Variants in CMYA5 observed in about 807,000 individuals in gnomAD.
CMYA5 encodes the protein cardiomyopathy-associated protein 5.
CMYA5 carries 246 observed loss-of-function variants against 318.9 expected under a neutral mutation model. The ratio of observed to expected loss-of-function variants is 0.77; its 90% CI spans 0.70 to 0.86. The LOEUF is 0.86. Among genes scored for constraint, CMYA5 ranks in the 40% least tolerant of loss-of-function variants. CMYA5 has a pLI of 0.00. For synonymous variants in CMYA5, 1,641 were observed against 1,729.5 expected (o/e 0.95, Z 1.27); for missense variants, 4,589 against 4,678.2 (o/e 0.98, Z 0.56).
At position 79,731,143 on chromosome 5, in the gene CMYA5, C is replaced by G. The variant is rs1244790577; in HGVS notation, c.2378C>G (p.Pro793Arg). ...GEDLGSERFT[P>R]DSKLISKYAA... ...GACCTAGGAAGTGAACGTTTCACAC[C>G]GGATTCAAAGTTGATCTCCAAATAT... The change falls in exon 2 of 13, where the codon CCG (proline) becomes CGG (arginine). Residue 793 changes from proline (P) to arginine (R), a missense_variant. Physicochemically the swap from Pro to Arg is moderately radical, Grantham distance 103. Transcript: ENST00000446378. The G allele has an allele frequency of 6.2e-7, 1 of 1,613,966 alleles. No individual in the cohort carries two copies. Among genetic ancestry groups the G allele is most frequent in the East Asian group, 2.2e-5 (1 of 44,872 alleles).
chr5:79,745,669 TACAGCTGAAAGAG>T (rs1332856334), intron 4 of CMYA5, among the ~76,000 whole-genome samples: 1 of 152,200 alleles, frequency 6.6e-6, no homozygotes, highest in Non-Finnish European at 1.5e-5. Flanking sequence ...AGCTGAAAGA[TACAGCTGAAAGAG>T]ACAGCCTGCA....
intron 11 of CMYA5, among the ~76,000 whole-genome samples, chr5:79,792,476 T>C (rs568684845): frequency 6.6e-6 from 1 of 152,344 alleles, no homozygotes; most frequent in East Asian, 1.9e-4. Flanking sequence ...ATTTTATTTA[T>C]TATTAACCTG....
rs542591132 is a variant in CMYA5, at chr5:79,731,105, A to G, written c.2340A>G (p.Pro780=). The part of the protein sequence containing the change: ...PSTATSEHVV[P]SEGEDLGSER... ...CTGCCACATCAGAACACGTGGTCCC[A>G]TCAGAAGGAGAGGACCTAGGAAGTG... is the stretch of plus-strand genomic sequence containing the variant. The change falls in exon 2 of 13, where the codon CCA becomes CCG. Residue 780 remains proline (P), a synonymous_variant. Transcript: ENST00000446378. The G allele has an allele frequency of 2.1e-4, 332 of 1,614,066 alleles. No individual in the cohort carries two copies. Among genetic ancestry groups the G allele is most frequent in the Non-Finnish European group, 2.7e-4 (318 of 1,179,908 alleles).
chr5:79,742,743 T>C (rs1202887967), intron 2 of CMYA5, among the ~76,000 whole-genome samples: 3 of 143,956 alleles, frequency 2.1e-5, no homozygotes, highest in Non-Finnish European at 4.6e-5. Context: ...TCAGGAACTG[T>C]GCCAATCATT....
chr5:79,798,794 C>T (rs562798096), intron 12 of CMYA5, among the ~76,000 whole-genome samples: 1 of 152,172 alleles, frequency 6.6e-6, no homozygotes, highest in African/African-American at 2.4e-5. Flanking sequence ...AAGGCAACCC[C>T]GCTGGTGGCA....
At chr5:79,776,947 G>C (rs1423019007) in intron 9 of CMYA5, among the ~76,000 whole-genome samples, 1 of 152,152 alleles carries the variant, frequency 6.6e-6, no homozygotes, top group Non-Finnish European at 1.5e-5. Context: ...GTTGGACATG[G>C]TGGTACAGAG....
chr5:79,765,463 G>C (rs1219498300), intron 9 of CMYA5, among the ~76,000 whole-genome samples: 1 of 152,164 alleles, frequency 6.6e-6, no homozygotes, highest in Non-Finnish European at 1.5e-5. Flanking sequence ...GATTGTCTTG[G>C]CTATGCAGGC....
In CMYA5 at chr5:79,734,655, GC is replaced by G. The variant is rs1369933502; in HGVS notation, c.5891del (p.Ala1964ValfsTer22). ...SHLSSQEAVS[A>X]LDTSSGNTET... ...TTTGTCATCACAAGAAGCAGTATCT[GC>G]TCTTGATACTTCCAGTGGTAATACA... On this transcript the variant is annotated frameshift_variant, in exon 2 of 13. Transcript: ENST00000446378. LOFTEE classifies it high-confidence loss of function. 1 of 1,613,366 alleles carries G rather than the reference GC, an allele frequency of 6.2e-7. No individual in the cohort carries two copies. The highest frequency in any genetic ancestry group is 8.5e-7 in the Non-Finnish European group (1 of 1,179,364).
At chr5:79,698,393 G>A (rs901647280) in intron 1 of CMYA5, among the ~76,000 whole-genome samples, 5 of 151,894 alleles carry the variant, frequency 3.3e-5, no homozygotes, top group Non-Finnish European at 7.4e-5. Context: ...GTTGTGTGAC[G>A]TGGGGCAGGA....
intron 6 of CMYA5, among the ~76,000 whole-genome samples, chr5:79,755,353 C>T (rs535096815): frequency 6.6e-6 from 1 of 152,210 alleles, no homozygotes; most frequent in South Asian, 2.1e-4. Flanking sequence ...GTGGCACCAT[C>T]TCGGCTCACT....
At position 79,790,796 on chromosome 5, in the gene CMYA5, G is replaced by A. The variant is rs13155036; in HGVS notation, c.11690-174G>A. Among the ~76,000 whole-genome samples the A allele has an allele frequency of 8.9e-3, 1,361 of 152,306 alleles. 11 individuals carry two copies. Among genetic ancestry groups the A allele is most frequent in the Non-Finnish European group, 0.015 (1,016 of 68,028 alleles). The stretch of plus-strand genomic sequence containing the variant: ...CACCACGTAGAGGTAACCAGCCACC[G>A]GCATCCACGAAGGCCTTATCATGAG... On this transcript the variant is annotated intron_variant, in intron 10 of 12. Coordinates refer to ENST00000446378, the MANE Select transcript of CMYA5 (RefSeq NM_153610.5).
In CMYA5 at chr5:79,704,005, C is replaced by T. The variant is rs114462054; in HGVS notation, c.149+13949C>T. 7.7e-3 allele frequency among the ~76,000 whole-genome samples: 1,164 copies of T among 151,906 alleles called. 18 individuals are homozygous for T. Among genetic ancestry groups the T allele is most frequent in the African/African-American group, 0.025 (1,045 of 41,430 alleles). On this transcript the variant is annotated intron_variant, in intron 1 of 12. Transcript: ENST00000446378. ...TACTTGGGAGGCTGAGGTGGGAGGA[C>T]GATTTGAACCCAGAGGTCAAGGCTG... is the stretch of plus-strand genomic sequence containing the variant.
intron 6 of CMYA5, among the ~76,000 whole-genome samples, chr5:79,756,143 T>C (rs259122): frequency 0.33 from 50,132 of 150,498 alleles, 8,564 homozygotes; most frequent in East Asian, 0.63. Flanking sequence ...TGGACAGACT[T>C]ATTTAGAATG....
rs35461782 is a variant in CMYA5 at position 79,778,811 on chromosome 5, C to CTGTG, written c.11556-10138_11556-10135dup. Among the ~76,000 whole-genome samples the CTGTG allele has an allele frequency of 1.4e-3, 120 of 85,014 alleles. 12 individuals carry two copies. The highest frequency in any genetic ancestry group is 1.9e-3 in the Non-Finnish European group (91 of 48,480). The allele number at this position is 85,014 out of a possible 152,430, so 55.8% of individuals were successfully genotyped here. A position where few individuals can be genotyped will look rare whatever the true frequency, so the allele number is the denominator to read the frequency against. On this transcript the variant is annotated intron_variant, in intron 9 of 12. Coordinates refer to ENST00000446378, the MANE Select transcript of CMYA5 (RefSeq NM_153610.5). Reference sequence around the variant, plus strand: ...ATGCCGCCTGCCCCCCTCTCTCTTTCTGTGTGTGTGTGTGTGTGTGTGTGT... The same window carrying CTGTG: ...ATGCCGCCTGCCCCCCTCTCTCTTTCTGTGTGTGTGTGTGTGTGTGTGTGTGTGT...
chr5:79,753,600 A>G (rs1009009324), intron 6 of CMYA5, among the ~76,000 whole-genome samples: 5 of 151,940 alleles, frequency 3.3e-5, no homozygotes, highest in Non-Finnish European at 7.3e-5. Context: ...CAACAACAAC[A>G]ACAACAAAAA....
At chr5:79,741,494 C>A (rs1298335120) in intron 2 of CMYA5, among the ~76,000 whole-genome samples, 1 of 152,084 alleles carries the variant, frequency 6.6e-6, no homozygotes, top group Admixed American at 6.5e-5. Context: ...TTTTTTAACT[C>A]CCAAATTAAT....
At chr5:79,694,164 G>A (rs1207396080) in intron 1 of CMYA5, among the ~76,000 whole-genome samples, 1 of 152,116 alleles carries the variant, frequency 6.6e-6, no homozygotes, top group Admixed American at 6.5e-5. Flanking sequence ...CCCATGGTAA[G>A]GACTATGAAT....
chr5:79,694,306 T>A (rs1050025181), intron 1 of CMYA5, among the ~76,000 whole-genome samples: 3 of 152,222 alleles, frequency 2.0e-5, no homozygotes, highest in African/African-American at 7.2e-5. Flanking sequence ...TACATTTGTA[T>A]TTTCATTTGA....
In CMYA5 at chr5:79,737,994, A is replaced by C; in HGVS notation, c.9229A>C (p.Asn3077His). ...AAAACAGAAAGCTCCACAGAAATTA[A>C]ATGTTGAAGAGAAACTCTCAAAGGA... ...PEKQKAPQKL[N>H]VEEKLSKEVT... Residue 3077 changes from asparagine to histidine, a missense_variant, in exon 2 of 13, where the codon AAT (asparagine) becomes CAT (histidine). This residue lies in a region of CMYA5 where 2,431 missense variants were observed against 2,495.1 expected (regional missense o/e 0.97). Transcript: ENST00000446378. 1 of 1,613,526 alleles carries C rather than the reference A, an allele frequency of 6.2e-7. No individual in the cohort carries two copies. Among genetic ancestry groups the C allele is most frequent in the Non-Finnish European group, 8.5e-7 (1 of 1,179,694 alleles).
Sources: allele counts gnomAD v4.1 joint callset (sites outside exome capture counted in the v4.1 genomes callset), GRCh38; gene constraint gnomAD v4.1.1; regional missense constraint gnomAD v4.1.1; transcripts MANE v1.5; gene names NCBI Gene and HGNC (gene_info 2026-07-23, HGNC 2026-07-21).